Variants in PPP2R5E observed in about 807,000 individuals in gnomAD.
The protein encoded by PPP2R5E is serine/threonine-protein phosphatase 2A 56 kDa regulatory subunit epsilon isoform.
A neutral mutation model predicts 65.3 loss-of-function variants in PPP2R5E; 4 were observed. The ratio of observed to expected loss-of-function variants is 0.06; its 90% confidence interval spans 0.03 to 0.14. The LOEUF is 0.14. Ranked by LOEUF, PPP2R5E falls within the 10% of genes least tolerant of loss-of-function variation. The pLI, the probability that PPP2R5E is intolerant of heterozygous loss-of-function variation, is 1.00. For synonymous variants in PPP2R5E, 183 were observed against 187.4 expected, an observed-to-expected ratio of 0.98 and a Z score of 0.19; for missense variants, 274 against 556.1, an observed-to-expected ratio of 0.49 and a Z score of 5.10.
chr14:63,530,630 CTTTTTTTTTTTTTTTT>C (rs954359159), intron 2 of PPP2R5E, among the ~76,000 whole-genome samples: 3 of 81,294 alleles, frequency 3.7e-5, no homozygotes, highest in South Asian at 9.0e-4. Context: ...CTCTCAATTT[CTTTTTTTTTTTTTTTT>C]TTTTTTTTTG....
At chr14:63,419,370 C>G (rs1886879529) in intron 4 of PPP2R5E, among the ~76,000 whole-genome samples, 1 of 152,118 alleles carries the variant, frequency 6.6e-6, no homozygotes, top group Admixed American at 6.5e-5. Flanking sequence ...GTGAAAAGGT[C>G]TAAAACTATG....
At chr14:63,540,158 C>T (rs1397100704) in intron 1 of PPP2R5E, among the ~76,000 whole-genome samples, 15 of 150,238 alleles carry the variant, frequency 1.0e-4, no homozygotes, top group Non-Finnish European at 1.6e-4. Flanking sequence ...GGGCTGGGCC[C>T]GGTGGCTCAC....
At chr14:63,528,448 A>G (rs1412554391) in intron 2 of PPP2R5E, among the ~76,000 whole-genome samples, 2 of 152,222 alleles carry the variant, frequency 1.3e-5, no homozygotes, top group Non-Finnish European at 2.9e-5. Flanking sequence ...ATGAATTTGC[A>G]AAGTAAAAGG....
At chr14:63,384,929 C>T (rs989889357) in intron 11 of PPP2R5E, among the ~76,000 whole-genome samples, 2 of 152,028 alleles carry the variant, frequency 1.3e-5, no homozygotes, top group Admixed American at 6.5e-5. Context: ...CTCCTGACCT[C>T]GTGATCCGCC....
intron 2 of PPP2R5E, among the ~76,000 whole-genome samples, chr14:63,467,242 A>C (rs1335450382): frequency 7.2e-6 from 1 of 139,522 alleles, no homozygotes; most frequent in East Asian, 2.5e-4. Flanking sequence ...AAACAAACAA[A>C]CAAAAAAAAC....
chr14:63,375,929 A>T lies in PPP2R5E; in HGVS notation c.*80T>A. On this transcript the variant is annotated 3_prime_UTR_variant, in exon 14 of 14. Coordinates refer to ENST00000337537, the MANE Select transcript of PPP2R5E (RefSeq NM_006246.5). ...GTGAAATCTACTGTAAAGTTGCACA[A>T]TACAGAAAACTGTTGCTCCATCTTC... 1 of 994,556 alleles carries T rather than the reference A, an allele frequency of 1.0e-6. No individual in the cohort carries two copies. Among genetic ancestry groups the T allele is most frequent in the Non-Finnish European group, 1.6e-6 (1 of 641,914 alleles). 61.6% of individuals were successfully genotyped at this position (994,556 alleles called of 1,614,324 possible).
At chr14:63,495,417 C>CAAAAAAAAAAAAAA (rs772700927) in intron 2 of PPP2R5E, among the ~76,000 whole-genome samples, 2 of 93,230 alleles carry the variant, frequency 2.1e-5, no homozygotes, top group African/African-American at 3.7e-5. Flanking sequence ...ACTAAAAATA[C>CAAAAAAAAAAAAAA]AAAAAAAAAA....
At chr14:63,399,181 A>G (rs1230371096) in intron 5 of PPP2R5E, among the ~76,000 whole-genome samples, 1 of 152,202 alleles carries the variant, frequency 6.6e-6, no homozygotes, top group Non-Finnish European at 1.5e-5. Flanking sequence ...AAAAAGGAAC[A>G]AAGTAACTGA....
At chr14:63,507,572 T>C (rs1422076281) in intron 2 of PPP2R5E, among the ~76,000 whole-genome samples, 3 of 145,234 alleles carry the variant, frequency 2.1e-5, no homozygotes, top group South Asian at 4.2e-4. Context: ...CAAGGGTAAT[T>C]CTCTTTTTTT....
chr14:63,445,992 C>CA (rs1265592876), intron 3 of PPP2R5E, among the ~76,000 whole-genome samples: 7 of 152,178 alleles, frequency 4.6e-5, no homozygotes, highest in African/African-American at 1.4e-4. Flanking sequence ...CAAACCCTGC[C>CA]ACTGCTTGAT....
At chr14:63,511,274 A>C (rs1892440148) in intron 2 of PPP2R5E, among the ~76,000 whole-genome samples, 2 of 152,166 alleles carry the variant, frequency 1.3e-5, no homozygotes, top group Admixed American at 1.3e-4. Context: ...GAAGCCACCA[A>C]GTGGAGAACC....
intron 2 of PPP2R5E, among the ~76,000 whole-genome samples, chr14:63,527,546 C>CT (rs1231552461): frequency 6.6e-6 from 1 of 152,146 alleles, no homozygotes; most frequent in East Asian, 1.9e-4. Context: ...TAGCACTAGG[C>CT]TAAATGTTTT....
intron 2 of PPP2R5E, among the ~76,000 whole-genome samples, chr14:63,505,983 T>C (rs547869752): frequency 5.3e-5 from 8 of 152,230 alleles, no homozygotes; most frequent in Admixed American, 4.6e-4. Context: ...CAATAAAAGG[T>C]AGTGTTTCTT....
intron 5 of PPP2R5E, 107 bp from the exon 6 acceptor site, chr14:63,396,823 ATATC>A (rs1885421936): frequency 1.4e-6 from 2 of 1,381,616 alleles, no homozygotes; most frequent in South Asian, 2.7e-5. Flanking sequence ...AATGTGTTGA[ATATC>A]TATTATGTGC....
intron 3 of PPP2R5E, among the ~76,000 whole-genome samples, chr14:63,430,389 A>ACATACATG (rs1555359673): frequency 0.063 from 9,038 of 142,492 alleles, 320 homozygotes; most frequent in African/African-American, 0.079. Flanking sequence ...ATACATACAT[A>ACATACATG]CATACATACA....
chr14:63,376,225 A>G, intron 13 of PPP2R5E, 117 bp from the exon 14 acceptor site: 1 of 670,686 alleles, frequency 1.5e-6, no homozygotes, highest in Non-Finnish European at 2.4e-6. Flanking sequence ...TGAGAAAATT[A>G]ACTTTAAAAT....
At chr14:63,524,259 G>A (rs1043554755) in intron 2 of PPP2R5E, among the ~76,000 whole-genome samples, 1 of 152,164 alleles carries the variant, frequency 6.6e-6, no homozygotes, top group Admixed American at 6.6e-5. Flanking sequence ...ATGAACTTTT[G>A]CCAGATTGCT....
At chr14:63,525,571 T>G (rs1487610499) in intron 2 of PPP2R5E, among the ~76,000 whole-genome samples, 1 of 152,162 alleles carries the variant, frequency 6.6e-6, no homozygotes, top group Admixed American at 6.5e-5. Context: ...GTTCCTAGCC[T>G]TTGGAGAAAC....
intron 2 of PPP2R5E, among the ~76,000 whole-genome samples, chr14:63,531,592 C>A (rs1893437497): frequency 6.6e-6 from 1 of 152,098 alleles, no homozygotes; most frequent in Non-Finnish European, 1.5e-5. Flanking sequence ...TAAAACTGAA[C>A]TTTAACATCT....
Sources: allele counts gnomAD v4.1 joint callset (sites outside exome capture counted in the v4.1 genomes callset), GRCh38; gene constraint gnomAD v4.1.1; transcripts MANE v1.5; gene names NCBI Gene and HGNC (gene_info 2026-07-23, HGNC 2026-07-21).